The following NELL1 variants were observed in gnomAD, a reference collection of about 807,000 sequenced individuals.
NELL1 encodes the protein protein kinase C-binding protein NELL1.
Under a neutral mutation model 107.4 loss-of-function variants are expected in NELL1, and 76 were observed. The ratio of observed to expected loss-of-function variants is 0.71; its 90% CI spans 0.59 to 0.86. The LOEUF (loss-of-function observed/expected upper bound fraction) is 0.86. Among genes scored for constraint, NELL1 ranks in the 40% least tolerant of loss-of-function variants. The pLI is 0.00. For missense variants in NELL1, 1,024 were observed against 1,005.5 expected, an observed-to-expected ratio of 1.02 and a Z score of -0.25; for synonymous variants, 353 against 341.2, an observed-to-expected ratio of 1.03 and a Z score of -0.38.
In NELL1 at chr11:21,238,100, C is replaced by T. The variant is rs572185467; in HGVS notation, c.1549+8646C>T. Among the ~76,000 whole-genome samples the T allele has an allele frequency of 3.3e-5, 5 of 152,142 alleles. No individual in the cohort carries two copies. The East Asian group carries it at 7.7e-4, about 24-fold the overall frequency. On this transcript the variant is annotated intron_variant, in intron 14 of 19. Coordinates refer to ENST00000357134, the MANE Select transcript of NELL1 (RefSeq NM_006157.5). Reference sequence around the variant, plus strand: ...CTTGATTCCTTCTTCACATAGTAGACTTCTCATTTCTACTTCTTGCCCATC... The same window carrying T: ...CTTGATTCCTTCTTCACATAGTAGATTTCTCATTTCTACTTCTTGCCCATC...
intron 15 of NELL1, among the ~76,000 whole-genome samples, chr11:21,488,844 TCAAATAATAACCTAATGATGCACCTTA>T (rs1253128003): frequency 4.6e-5 from 7 of 151,566 alleles, no homozygotes; most frequent in Non-Finnish European, 8.8e-5. Context: ...AAGAAAGATT[TCAAATAATAACCTAATGATGCACCTTA>T]AGGAACTGGA....
intron 2 of NELL1, among the ~76,000 whole-genome samples, chr11:20,742,177 C>G (rs781626148): frequency 1.2e-4 from 18 of 152,244 alleles, no homozygotes; most frequent in South Asian, 1.0e-3. Flanking sequence ...TTGTTTACAC[C>G]TAGGCATCAG....
chr11:20,708,594 G>T (rs982914368), intron 2 of NELL1, among the ~76,000 whole-genome samples: 1 of 151,732 alleles, frequency 6.6e-6, no homozygotes, highest in East Asian at 1.9e-4. Context: ...TTGCTGATTT[G>T]CTTGAGTTCC....
chr11:21,544,890 T>C (rs1033365946), intron 16 of NELL1, among the ~76,000 whole-genome samples: 1 of 151,952 alleles, frequency 6.6e-6, no homozygotes. Context: ...ATGAGGTTTT[T>C]TTTTTCCGTT....
chr11:21,137,763 A>G (rs1321274429), intron 13 of NELL1, among the ~76,000 whole-genome samples: 1 of 152,082 alleles, frequency 6.6e-6, no homozygotes, highest in Non-Finnish European at 1.5e-5. Flanking sequence ...AAGAGGAAAC[A>G]TTTTCTTCTT....
At chr11:20,997,713 G>C (rs1292726220) in intron 12 of NELL1, among the ~76,000 whole-genome samples, 1 of 152,164 alleles carries the variant, frequency 6.6e-6, no homozygotes, top group South Asian at 2.1e-4. Context: ...TTGGGATCAG[G>C]CACGGTGGCT....
intron 11 of NELL1, among the ~76,000 whole-genome samples, chr11:20,956,389 C>G (rs969751199): frequency 1.3e-5 from 2 of 150,148 alleles, no homozygotes; most frequent in African/African-American, 4.9e-5. Flanking sequence ...GCTCACGCCT[C>G]TAATCCCAGC....
intron 12 of NELL1, among the ~76,000 whole-genome samples, chr11:21,089,175 G>A (rs1854466580): frequency 6.6e-6 from 1 of 152,184 alleles, no homozygotes; most frequent in Admixed American, 6.5e-5. Context: ...ATAATTCAGT[G>A]TCTATCCTGA....
At chr11:21,304,043 A>G (rs949315575) in intron 14 of NELL1, among the ~76,000 whole-genome samples, 28 of 151,924 alleles carry the variant, frequency 1.8e-4, no homozygotes, top group African/African-American at 6.8e-4. Flanking sequence ...TCCTCTTAAT[A>G]CTCTTGCACT....
chr11:21,421,158 T>C (rs1327941878), intron 15 of NELL1, among the ~76,000 whole-genome samples: 1 of 152,080 alleles, frequency 6.6e-6, no homozygotes, highest in African/African-American at 2.4e-5. Flanking sequence ...GATTTGAAGA[T>C]TAGAAAAATA....
At position 21,175,168 on chromosome 11, in the gene NELL1, T is replaced by C. The variant is rs77850309; in HGVS notation, c.1427-54164T>C. On this transcript the variant is annotated intron_variant, in intron 13 of 19. Transcript: ENST00000357134. ...TTCATTTCCAAAAGAAATATCCTAT[T>C]TTCTTAGCTGTTTCCCGTCAATTCT... is the stretch of plus-strand genomic sequence containing the variant. Among the ~76,000 whole-genome samples, 573 of 151,860 alleles carry C rather than the reference T, an allele frequency of 3.8e-3. 3 individuals carry two copies. The highest frequency in any genetic ancestry group is 6.6e-3 in the Non-Finnish European group (451 of 68,010).
At chr11:20,839,594 C>A (rs1476777088) in intron 3 of NELL1, among the ~76,000 whole-genome samples, 1 of 152,090 alleles carries the variant, frequency 6.6e-6, no homozygotes, top group Non-Finnish European at 1.5e-5. Context: ...AAACGTATGT[C>A]ATTTTATTCT....
At chr11:21,258,327 C>T (rs1258899426) in intron 14 of NELL1, among the ~76,000 whole-genome samples, 1 of 151,960 alleles carries the variant, frequency 6.6e-6, no homozygotes, top group African/African-American at 2.4e-5. Context: ...AATTGAAATT[C>T]TAGTTCTGTA....
chr11:20,862,161 T>C (rs754676743), intron 4 of NELL1, among the ~76,000 whole-genome samples: 3 of 152,304 alleles, frequency 2.0e-5, no homozygotes, highest in Non-Finnish European at 4.4e-5. Context: ...AAGTAAGTGT[T>C]TAATATGTGC....
chr11:21,060,225 A>G (rs781263937), intron 12 of NELL1, among the ~76,000 whole-genome samples: 4 of 152,152 alleles, frequency 2.6e-5, no homozygotes, highest in Non-Finnish European at 4.4e-5. Context: ...TGACTCTGCT[A>G]CTTATTATCT....
At chr11:21,519,367 G>C (rs540884409) in intron 15 of NELL1, among the ~76,000 whole-genome samples, 8 of 152,228 alleles carry the variant, frequency 5.3e-5, no homozygotes, top group African/African-American at 1.9e-4. Flanking sequence ...TTCTAATTTA[G>C]TATGTTGTGT....
chr11:21,104,915 G>A (rs1251508213), intron 12 of NELL1, among the ~76,000 whole-genome samples: 1 of 152,172 alleles, frequency 6.6e-6, no homozygotes, highest in East Asian at 1.9e-4. Context: ...TCTTCAGAAA[G>A]AGAGCACTAT....
chr11:21,337,555 A>G lies in NELL1; in HGVS notation c.1550-33298A>G, dbSNP rs560908185. 2.2e-3 allele frequency among the ~76,000 whole-genome samples: 333 copies of G among 152,376 alleles called. 1 individual carries two copies. Among genetic ancestry groups the G allele is most frequent in the African/African-American group, 7.7e-3 (320 of 41,594 alleles). ...TACATGGCCCCTGTCACTTCTGCTCATAGCCCATTGGCTAGAATTAGTCAC... is the reference window on the plus strand; with the variant it reads ...TACATGGCCCCTGTCACTTCTGCTCGTAGCCCATTGGCTAGAATTAGTCAC... On this transcript the variant is annotated intron_variant, in intron 14 of 19. Coordinates refer to ENST00000357134, the MANE Select transcript of NELL1 (RefSeq NM_006157.5).
intron 12 of NELL1, among the ~76,000 whole-genome samples, chr11:21,010,154 ATG>A (rs1170792269): frequency 5.3e-5 from 8 of 152,122 alleles, no homozygotes; most frequent in Middle Eastern, 3.4e-3. Flanking sequence ...TTAATATGAT[ATG>A]TGTTACATGG....
Sources: allele counts gnomAD v4.1 joint callset (sites outside exome capture counted in the v4.1 genomes callset), GRCh38; gene constraint gnomAD v4.1.1; transcripts MANE v1.5; gene names NCBI Gene and HGNC (gene_info 2026-07-23, HGNC 2026-07-21).